The following GALNS variants were observed in gnomAD, a reference collection of about 807,000 sequenced individuals.
GALNS encodes the protein N-acetylgalactosamine-6-sulfatase.
GALNS carries 65 observed loss-of-function variants against 65.9 expected under a neutral mutation model. The observed-to-expected ratio is 0.99, with a 90% CI of 0.81 to 1.21. The LOEUF is 1.21. Among genes scored for constraint, GALNS ranks in the 50% most tolerant of loss-of-function variants. The pLI is 0.00. For missense variants in GALNS, 776 were observed against 700.7 expected (o/e 1.11, Z -1.21); for synonymous variants, 346 against 288.9 (o/e 1.20, Z -2.00).
At chr16:88,846,916 G>A (rs1211332543) in intron 1 of GALNS, among the ~76,000 whole-genome samples, 1 of 152,108 alleles carries the variant, frequency 6.6e-6, no homozygotes, top group Non-Finnish European at 1.5e-5. Flanking sequence ...AGATGGGGGT[G>A]TGGCCAGGGG....
intron 4 of GALNS, among the ~76,000 whole-genome samples, chr16:88,839,217 G>A (rs1057357388): frequency 1.4e-4 from 20 of 147,976 alleles, no homozygotes; most frequent in South Asian, 4.2e-4. Flanking sequence ...ACAGGTCACC[G>A]CCCGGCCACA....
At chr16:88,856,087 G>A in intron 1 of GALNS, 2 of 680,910 alleles carry the variant, frequency 2.9e-6, no homozygotes, top group Admixed American at 2.1e-5. Flanking sequence ...GAGTCTCCAG[G>A]TGGCTCCCAC....
At chr16:88,821,947 G>A (rs7188107) in intron 12 of GALNS, among the ~76,000 whole-genome samples, 10 of 151,868 alleles carry the variant, frequency 6.6e-5, no homozygotes, top group Non-Finnish European at 1.5e-4. Flanking sequence ...CTGGGGTGAG[G>A]GGGGGAAGCC....
chr16:88,852,023 G>A (rs555404787), intron 1 of GALNS, among the ~76,000 whole-genome samples: 49 of 152,350 alleles, frequency 3.2e-4, no homozygotes, highest in African/African-American at 1.0e-3. Flanking sequence ...CCGGCACAGT[G>A]TTTGAGCTCT....
chr16:88,824,747 C>T lies in GALNS; in HGVS notation c.1242+20G>A. 1.2e-6 allele frequency: 2 copies of T among 1,606,074 alleles called. No homozygotes were observed. Among genetic ancestry groups the T allele is most frequent in the Non-Finnish European group, 1.7e-6 (2 of 1,173,772 alleles). ...GAGATGGGGGCAGCTCCGCCTGCGC[C>T]CACGTCCCGAGCCCTGTACCTGTCT... On this transcript the variant is annotated intron_variant, in intron 11 of 13. Coordinates refer to ENST00000268695, the MANE Select transcript of GALNS (RefSeq NM_000512.5).
At chr16:88,839,301 G>C (rs2143003427) in intron 4 of GALNS, among the ~76,000 whole-genome samples, 2 of 151,854 alleles carry the variant, frequency 1.3e-5, no homozygotes, top group East Asian at 1.9e-4. Flanking sequence ...ACGTCCGCAG[G>C]TCACCGCCCG....
intron 8 of GALNS, among the ~76,000 whole-genome samples, chr16:88,834,920 AGCCTCCG>A (rs1453862442): frequency 1.3e-5 from 2 of 152,098 alleles, no homozygotes; most frequent in African/African-American, 4.8e-5. Context: ...CGGCCTCCAA[AGCCTCCG>A]GCCTCCGGGG....
rs1480024542 is a variant in GALNS, at chr16:88,835,807, AG to A, written c.675del (p.Phe227SerfsTer92). 6.2e-7 allele frequency: 1 copy of A among 1,613,896 alleles called. No homozygotes were observed. Among genetic ancestry groups the A allele is most frequent in the African/African-American group, 1.3e-5 (1 of 74,934 alleles). On this transcript the variant is annotated frameshift_variant, in exon 7 of 14. Transcript: ENST00000268695. LOFTEE classifies it high-confidence loss of function. ...DFIKRQARHH[P>X]FFLYWAVDAT... ...GCGTCGACAGCCCAGTAGAGGAAAAAGGGGTGGTGCCGTGCCTGTCTCTTAA... is the reference window on the plus strand; with the variant it reads ...GCGTCGACAGCCCAGTAGAGGAAAAAGGGTGGTGCCGTGCCTGTCTCTTAA...
At chr16:88,848,731 C>G (rs756730494) in intron 1 of GALNS, among the ~76,000 whole-genome samples, 88 of 152,128 alleles carry the variant, frequency 5.8e-4, no homozygotes, top group Non-Finnish European at 1.2e-3. Context: ...TGACAGGGGT[C>G]TGAACAGAGG....
At chr16:88,826,625 G>T in intron 10 of GALNS, 77 bp downstream of exon 10, 1 of 1,533,028 alleles carries the variant, frequency 6.5e-7, no homozygotes, top group Non-Finnish European at 8.9e-7. Flanking sequence ...GCTGGGCCTG[G>T]GGGTTGCACC....
intron 13 of GALNS, chr16:88,815,883 G>A (rs1597518654): frequency 1.0e-5 from 10 of 985,390 alleles, no homozygotes; most frequent in Non-Finnish European, 1.2e-5. Flanking sequence ...TTTCTCAAAG[G>A]CCGCTCAGCT....
rs936706404 is a variant in GALNS, at chr16:88,837,556, C to T, written c.566+66G>A. On this transcript the variant is annotated intron_variant, in intron 5 of 13. Coordinates refer to ENST00000268695, the MANE Select transcript of GALNS (RefSeq NM_000512.5). Reference sequence around the variant, plus strand: ...GACTTGAGCCCACCAGTGCTAGAGGCGGGGGGCAGGCACGCCGGGCACAGC... The same window carrying T: ...GACTTGAGCCCACCAGTGCTAGAGGTGGGGGGCAGGCACGCCGGGCACAGC... 7.0e-5 allele frequency: 107 copies of T among 1,525,698 alleles called. No homozygotes were observed. In the African/African-American group the frequency reaches 1.1e-3, roughly 16 times the overall value. 94.5% of individuals were successfully genotyped at this position (1,525,698 alleles called of 1,614,324 possible). A position where few individuals can be genotyped will look rare whatever the true frequency, so the allele number is the denominator to read the frequency against.
chr16:88,827,309 C>T lies in GALNS; in HGVS notation c.1003-471G>A, dbSNP rs146726671. On this transcript the variant is annotated intron_variant, in intron 9 of 13. Coordinates refer to ENST00000268695, the MANE Select transcript of GALNS (RefSeq NM_000512.5). ...GCTGGGGTGGGGACGGCTCCTGACA[C>T]ACCCAGAGAGCTCCAGGACAGGCAG... Among the ~76,000 whole-genome samples, 19 of 152,330 alleles carry T rather than the reference C, an allele frequency of 1.2e-4. No homozygotes were observed. In the East Asian group the frequency reaches 3.1e-3, roughly 25 times the overall value.
At chr16:88,823,492 G>GC (rs879607949) in intron 11 of GALNS, among the ~76,000 whole-genome samples, 5 of 149,048 alleles carry the variant, frequency 3.4e-5, no homozygotes, top group Admixed American at 6.7e-5. Context: ...AGGCGGCAAT[G>GC]CCGGGGACCG....
At chr16:88,853,003 C>G (rs1399955271) in intron 1 of GALNS, among the ~76,000 whole-genome samples, 2 of 151,986 alleles carry the variant, frequency 1.3e-5, no homozygotes, top group Non-Finnish European at 2.9e-5. Flanking sequence ...GTAATCCCAG[C>G]ACTTTGGGAG....
At chr16:88,856,479 G>A in intron 1 of GALNS, 1 of 699,984 alleles carries the variant, frequency 1.4e-6, no homozygotes, top group East Asian at 2.7e-5. Context: ...TCCCGGTCAT[G>A]CAGCACAGTG....
rs1031959216 is a variant in GALNS, at chr16:88,814,660, C to T, written c.1483-135G>A. Reference sequence around the variant, plus strand: ...CCAGGCTGGAGTTCAGTGGCGCGATCTTGGCTCACTGCAACCTCTGCCTTC... The same window carrying T: ...CCAGGCTGGAGTTCAGTGGCGCGATTTTGGCTCACTGCAACCTCTGCCTTC... On this transcript the variant is annotated intron_variant, in intron 13 of 13. Coordinates refer to ENST00000268695, the MANE Select transcript of GALNS (RefSeq NM_000512.5). 5 of 1,393,116 alleles carry T rather than the reference C, an allele frequency of 3.6e-6. No homozygotes were observed. The African/African-American group carries it at 7.1e-5, about 20-fold the overall frequency. The allele number at this position is 1,393,116 out of a possible 1,614,324, so 86.3% of individuals were successfully genotyped here.
At chr16:88,816,015 AG>A in intron 13 of GALNS, 1 of 985,280 alleles carries the variant, frequency 1.0e-6, no homozygotes, top group African/African-American at 1.7e-5. Flanking sequence ...AGGGGTAAGG[AG>A]GGCCCCCAGG....
intron 9 of GALNS, among the ~76,000 whole-genome samples, chr16:88,828,140 G>A (rs1421919511): frequency 6.6e-6 from 1 of 152,246 alleles, no homozygotes; most frequent in Non-Finnish European, 1.5e-5. Context: ...GCTTCCCCAG[G>A]TCTGGTCAGC....
Sources: allele counts gnomAD v4.1 joint callset (sites outside exome capture counted in the v4.1 genomes callset), GRCh38; gene constraint gnomAD v4.1.1; transcripts MANE v1.5; gene names NCBI Gene and HGNC (gene_info 2026-07-23, HGNC 2026-07-21).